The following PAK5 variants were observed in gnomAD, a reference collection of about 807,000 sequenced individuals.
The protein encoded by PAK5 is p21 (RAC1) activated kinase 5.
PAK5 carries 16 observed loss-of-function variants against 65.9 expected under a neutral mutation model. That is an observed-to-expected ratio of 0.24 (90% CI 0.16 to 0.37). PAK5 has a LOEUF of 0.37. PAK5 is among the 10% of genes least tolerant of loss of function. The pLI, the probability that PAK5 is intolerant of heterozygous loss-of-function variation, is 1.00. For missense variants in PAK5, 785 were observed against 903.9 expected (o/e 0.87, Z 1.69); for synonymous variants, 371 against 354.9 (o/e 1.05, Z -0.51).
intron 2 of PAK5, among the ~76,000 whole-genome samples, chr20:9,671,219 C>T (rs541594905): frequency 6.6e-6 from 1 of 152,262 alleles, no homozygotes; most frequent in South Asian, 2.1e-4. Flanking sequence ...ACGCCTCCAG[C>T]TTTGTTCTTT....
At chr20:9,750,185 G>C (rs941343846) in intron 1 of PAK5, among the ~76,000 whole-genome samples, 5 of 151,892 alleles carry the variant, frequency 3.3e-5, no homozygotes, top group African/African-American at 7.3e-5. Flanking sequence ...GGCAGCAAAT[G>C]TTTGCCTCCC....
intron 3 of PAK5, among the ~76,000 whole-genome samples, chr20:9,642,286 T>C (rs959128545): frequency 6.6e-6 from 1 of 152,240 alleles, no homozygotes; most frequent in Non-Finnish European, 1.5e-5. Flanking sequence ...TGTGAAAGTG[T>C]TCCTATTTCT....
chr20:9,684,434 G>T (rs1215134467), intron 2 of PAK5, among the ~76,000 whole-genome samples: 1 of 152,204 alleles, frequency 6.6e-6, no homozygotes, highest in African/African-American at 2.4e-5. Context: ...AGATATGAAA[G>T]TCAAGCCATG....
intron 3 of PAK5, among the ~76,000 whole-genome samples, chr20:9,615,041 A>G (rs2046630465): frequency 6.6e-6 from 1 of 152,226 alleles, no homozygotes; most frequent in Non-Finnish European, 1.5e-5. Flanking sequence ...TATGAAGGAA[A>G]CAAATGCATA....
intron 3 of PAK5, among the ~76,000 whole-genome samples, chr20:9,594,635 G>A (rs2046231232): frequency 1.3e-5 from 2 of 152,132 alleles, no homozygotes; most frequent in Admixed American, 1.3e-4. Context: ...TCCCTGTATT[G>A]TACCCTCCAA....
chr20:9,804,609 A>C (rs1016530913), intron 1 of PAK5, among the ~76,000 whole-genome samples: 8 of 152,230 alleles, frequency 5.3e-5, no homozygotes, highest in African/African-American at 1.9e-4. Flanking sequence ...AAGCTATATA[A>C]CTCTTAGAAG....
chr20:9,721,130 A>G (rs752032381), intron 1 of PAK5, among the ~76,000 whole-genome samples: 2 of 152,206 alleles, frequency 1.3e-5, no homozygotes, highest in Non-Finnish European at 2.9e-5. Context: ...TATGCAAAAT[A>G]AAACATTTTG....
chr20:9,789,955 G>C (rs1295095521), intron 1 of PAK5, among the ~76,000 whole-genome samples: 1 of 152,130 alleles, frequency 6.6e-6, no homozygotes, highest in Non-Finnish European at 1.5e-5. Flanking sequence ...GAAAGGAGGG[G>C]CCTTTTTACG....
chr20:9,691,891 G>A (rs1248563225), intron 2 of PAK5, among the ~76,000 whole-genome samples: 2 of 152,144 alleles, frequency 1.3e-5, no homozygotes, highest in African/African-American at 2.4e-5. Flanking sequence ...ACTTGGTCCT[G>A]TTTCCAAAGG....
intron 2 of PAK5, among the ~76,000 whole-genome samples, chr20:9,665,086 T>TTTTTTTTTTTTG (rs779600719): frequency 2.2e-5 from 1 of 44,570 alleles, no homozygotes; most frequent in Non-Finnish European, 4.0e-5. Flanking sequence ...AATTTTTCTG[T>TTTTTTTTTTTTG]TTTTTTTTTT....
chr20:9,758,643 A>G (rs1188374627), intron 1 of PAK5, among the ~76,000 whole-genome samples: 1 of 152,122 alleles, frequency 6.6e-6, no homozygotes, highest in African/African-American at 2.4e-5. Flanking sequence ...TGGTATTTAG[A>G]TTTTGAAAAC....
chr20:9,666,901 T>C (rs756695782), intron 2 of PAK5, among the ~76,000 whole-genome samples: 20 of 152,188 alleles, frequency 1.3e-4, no homozygotes, highest in Admixed American at 2.6e-4. Flanking sequence ...TTCTTAACCA[T>C]GATGCCACAT....
chr20:9,720,391 C>T (rs1020867168), intron 1 of PAK5, among the ~76,000 whole-genome samples: 5 of 152,170 alleles, frequency 3.3e-5, no homozygotes, highest in African/African-American at 1.2e-4. Context: ...ATCATGTATA[C>T]TTTGAATGCA....
intron 2 of PAK5, among the ~76,000 whole-genome samples, chr20:9,669,831 T>C (rs1388016168): frequency 1.3e-5 from 2 of 152,178 alleles, no homozygotes; most frequent in African/African-American, 4.8e-5. Flanking sequence ...TGCAGGTTTG[T>C]TACATACGTA....
chr20:9,566,144 A>G lies in PAK5; in HGVS notation c.1231T>C (p.Tyr411His), dbSNP rs1179995955. ...LSSLSLSSST[Y>H]PPPSWGSSSD... ...GAGGAGCCCCAGCTGGGCGGCGGGT[A>G]GGTGCTGGATGAGAGGCTGAGGGAG... Residue 411 changes from tyrosine (Y) to histidine (H), a missense_variant, in exon 5 of 10, where the codon TAC (tyrosine) becomes CAC (histidine). Coordinates refer to ENST00000353224, the MANE Select transcript of PAK5 (RefSeq NM_177990.4). 1.2e-6 allele frequency: 2 copies of G among 1,613,730 alleles called. No individual in the cohort carries two copies. Among genetic ancestry groups the G allele is most frequent in the Non-Finnish European group, 1.7e-6 (2 of 1,179,902 alleles).
intron 1 of PAK5, among the ~76,000 whole-genome samples, chr20:9,729,100 T>C (rs1400682091): frequency 1.3e-5 from 2 of 152,082 alleles, no homozygotes; most frequent in African/African-American, 2.4e-5. Flanking sequence ...CTGGGCATGG[T>C]GGTGGGCACC....
intron 1 of PAK5, among the ~76,000 whole-genome samples, chr20:9,774,697 C>G (rs1051763788): frequency 1.3e-5 from 2 of 152,048 alleles, no homozygotes; most frequent in Admixed American, 6.6e-5. Context: ...ACTAGAGGAG[C>G]TGACGGACGA....
chr20:9,562,159 G>C (rs891278861), intron 6 of PAK5, among the ~76,000 whole-genome samples: 10 of 152,160 alleles, frequency 6.6e-5, no homozygotes, highest in African/African-American at 2.4e-4. Context: ...CTTTCTGAGA[G>C]AGACATTTAG....
rs542798357 is a variant in PAK5, at chr20:9,542,798, C to T, written c.1870-78G>A. The T allele has an allele frequency of 3.6e-4, 462 of 1,289,366 alleles. 8 individuals are homozygous for T. The South Asian group carries it at 5.8e-3, about 16-fold the overall frequency. 79.9% of individuals were successfully genotyped at this position (1,289,366 alleles called of 1,614,324 possible). On this transcript the variant is annotated intron_variant, in intron 8 of 9. Coordinates refer to ENST00000353224, the MANE Select transcript of PAK5 (RefSeq NM_177990.4). ...TCAAGTGTGTCCACAGAACCTCATACTCATTCACAAGTGACTATGGCACTT... is the reference window on the plus strand; with the variant it reads ...TCAAGTGTGTCCACAGAACCTCATATTCATTCACAAGTGACTATGGCACTT...
Sources: allele counts gnomAD v4.1 joint callset (sites outside exome capture counted in the v4.1 genomes callset), GRCh38; gene constraint gnomAD v4.1.1; transcripts MANE v1.5; gene names NCBI Gene and HGNC (gene_info 2026-07-23, HGNC 2026-07-21).